The following MME variants were observed in gnomAD, a reference collection of about 807,000 sequenced individuals.
MME encodes membrane metalloendopeptidase.
In MME, 98 loss-of-function variants were observed where a neutral mutation model predicts 113.2. The ratio of observed to expected loss-of-function variants is 0.87; its 90% CI spans 0.74 to 1.02. The LOEUF is 1.02. Ranked by LOEUF, MME falls within the 50% of genes least tolerant of loss-of-function variation. The probability of loss-of-function intolerance (pLI) is 0.00; values close to 1 mark genes in which losing one functional copy is unlikely to be tolerated. For synonymous variants in MME, 292 were observed against 300.6 expected (o/e 0.97, Z 0.30); for missense variants, 836 against 896.0 (o/e 0.93, Z 0.86).
chr3:155,075,375 G>A (rs1000867211), upstream of MME, among the ~76,000 whole-genome samples: 1 of 151,858 alleles, frequency 6.6e-6, no homozygotes, highest in Non-Finnish European at 1.5e-5. Flanking sequence ...TTTGTTTTAT[G>A]CCAATCTGTG....
intron 1 of MME, among the ~76,000 whole-genome samples, chr3:155,025,629 A>AAAG (rs1712753928): frequency 6.6e-6 from 1 of 150,728 alleles, no homozygotes; most frequent in African/African-American, 2.4e-5. Context: ...GTCTCAAAAA[A>AAAG]AAAAAAAAGT....
At chr3:155,165,096 G>T (rs1269120010) in intron 17 of MME, among the ~76,000 whole-genome samples, 1 of 152,084 alleles carries the variant, frequency 6.6e-6, no homozygotes, top group Non-Finnish European at 1.5e-5. Flanking sequence ...GCATAGCAAT[G>T]ACCCAGGGCT....
chr3:155,068,668 A>C (rs1480886563), intron 1 of MME, among the ~76,000 whole-genome samples: 1 of 152,230 alleles, frequency 6.6e-6, no homozygotes, highest in Non-Finnish European at 1.5e-5. Context: ...ATAAAATCTG[A>C]AAATACAGAA....
At chr3:155,057,734 G>A (rs1713984947) in intron 1 of MME, among the ~76,000 whole-genome samples, 1 of 150,900 alleles carries the variant, frequency 6.6e-6, no homozygotes, top group Non-Finnish European at 1.5e-5. Flanking sequence ...TGAGAGGGCA[G>A]GGAAGAGAGA....
chr3:155,126,719 G>A (rs1244951863), intron 8 of MME, among the ~76,000 whole-genome samples: 1 of 152,038 alleles, frequency 6.6e-6, no homozygotes, highest in Non-Finnish European at 1.5e-5. Flanking sequence ...GCATTTATTG[G>A]CTGGGCGCAG....
chr3:155,055,761 G>C (rs1325149163), intron 1 of MME, among the ~76,000 whole-genome samples: 2 of 152,134 alleles, frequency 1.3e-5, no homozygotes, highest in Admixed American at 6.5e-5. Flanking sequence ...GCCGTGTTCT[G>C]TTACCTGAAG....
intron 3 of MME, chr3:155,112,415 C>T (rs1377338486): frequency 6.6e-6 from 1 of 152,130 alleles, no homozygotes. Context: ...ACTGAATATA[C>T]TCATTTAACT....
At chr3:155,167,228 C>T (rs560964055) in intron 18 of MME, among the ~76,000 whole-genome samples, 1 of 152,254 alleles carries the variant, frequency 6.6e-6, no homozygotes, top group East Asian at 1.9e-4. Context: ...GTGCTTTACA[C>T]TCTGGCAGAA....
At chr3:155,138,557 C>A (rs916481641) in intron 9 of MME, among the ~76,000 whole-genome samples, 2 of 152,122 alleles carry the variant, frequency 1.3e-5, no homozygotes, top group African/African-American at 2.4e-5. Context: ...AGACTCAGAG[C>A]AAATGCAAAG....
At chr3:155,084,386 A>G (rs1285280372) in intron 2 of MME, 59 bp downstream of exon 2, 12 of 1,559,420 alleles carry the variant, frequency 7.7e-6, no homozygotes, top group African/African-American at 1.4e-5. Context: ...ATCTTCCTCC[A>G]TGCTTTTACC....
intron 1 of MME, among the ~76,000 whole-genome samples, chr3:155,029,665 A>C (rs1227367301): frequency 6.6e-6 from 1 of 152,072 alleles, no homozygotes; most frequent in Admixed American, 6.6e-5. Flanking sequence ...CCCTGGCAAA[A>C]TGTATGAATT....
At chr3:155,138,265 T>A in intron 9 of MME, 29 bp downstream of exon 9, 1 of 1,608,176 alleles carries the variant, frequency 6.2e-7, no homozygotes, top group Non-Finnish European at 8.5e-7. Context: ...TCTGATACAC[T>A]GAATAATGTC....
intron 8 of MME, among the ~76,000 whole-genome samples, chr3:155,134,504 T>C (rs919865216): frequency 1.3e-5 from 2 of 152,144 alleles, no homozygotes; most frequent in African/African-American, 4.8e-5. Context: ...TATTCCAGGG[T>C]GTATATGTAC....
At chr3:155,167,406 C>T (rs1006508020) in intron 18 of MME, among the ~76,000 whole-genome samples, 2 of 151,424 alleles carry the variant, frequency 1.3e-5, no homozygotes, top group Non-Finnish European at 2.9e-5. Context: ...TATTGCCTCT[C>T]CAAGAGCTCA....
chr3:155,152,961 C>T (rs919128581), intron 16 of MME, among the ~76,000 whole-genome samples: 1 of 151,906 alleles, frequency 6.6e-6, no homozygotes, highest in Non-Finnish European at 1.5e-5. Flanking sequence ...ATGTGAGACA[C>T]CCAAGTTAAT....
chr3:155,053,211 G>C (rs1420609207), intron 1 of MME, among the ~76,000 whole-genome samples: 1 of 152,064 alleles, frequency 6.6e-6, no homozygotes, highest in Non-Finnish European at 1.5e-5. Context: ...CAGTTCCAAA[G>C]TCACTTCTGA....
rs574338821 is a variant in MME, at chr3:155,135,958, A to T, written c.721-2144A>T. ...CTCTCAGCTTGAACATTATTGGTAA[A>T]TAGATATGCCACCAATTTTTATTCA... is the stretch of plus-strand genomic sequence containing the variant. On this transcript the variant is annotated intron_variant, in intron 8 of 22. Coordinates refer to ENST00000360490, the MANE Select transcript of MME (RefSeq NM_007289.4). Among the ~76,000 whole-genome samples the T allele has an allele frequency of 7.2e-5, 11 of 152,302 alleles. No individual in the cohort carries two copies. The East Asian group carries it at 2.1e-3, about 29-fold the overall frequency.
chr3:155,075,364 G>T (rs974794924), upstream of MME, among the ~76,000 whole-genome samples: 38 of 151,868 alleles, frequency 2.5e-4, no homozygotes, highest in African/African-American at 8.9e-4. Context: ...TTGTTTATTT[G>T]TTTGTTTTAT....
intron 3 of MME, among the ~76,000 whole-genome samples, chr3:155,113,503 C>T (rs190334843): frequency 0.013 from 1,939 of 152,212 alleles, 28 homozygotes; most frequent in Middle Eastern, 0.017. Context: ...TGGTATTGGA[C>T]TCCCAAAGTG....
Sources: gnomAD v4.1 joint callset for allele counts (sites outside exome capture counted in the v4.1 genomes callset) on GRCh38, gnomAD v4.1.1 for gene constraint, MANE v1.5 for transcripts, NCBI Gene and HGNC (gene_info 2026-07-23, HGNC 2026-07-21) for gene names.